TSC1: variants seen among roughly 807,000 people sequenced by gnomAD.
TSC1 encodes hamartin.
A neutral mutation model predicts 124.3 loss-of-function variants in TSC1; 20 were observed. The observed-to-expected ratio is 0.16, with a 90% confidence interval of 0.11 to 0.23. TSC1 has a LOEUF of 0.23. TSC1 is among the 10% of genes least tolerant of loss of function. TSC1 has a pLI of 1.00. For synonymous variants in TSC1, 493 were observed against 539.1 expected (o/e 0.91, Z 1.19); for missense variants, 1,124 against 1,448.5 (o/e 0.78, Z 3.64).
rs142344338 is a variant in TSC1, at chr9:132,928,369, A to C, written c.106+398T>G. 1.2e-3 allele frequency among the ~76,000 whole-genome samples: 176 copies of C among 152,256 alleles called. 1 individual carries two copies. The highest frequency in any genetic ancestry group is 4.1e-3 in the African/African-American group (170 of 41,528). ...TGCCCATTTCTATATTCAATATTTA[A>C]TTTTGCCAACCTGGTAAGCAAAAAA... On this transcript the variant is annotated intron_variant, in intron 3 of 22. Transcript: ENST00000298552.
chr9:132,926,679 C>G (rs1248007108), intron 4 of TSC1: 1 of 153,610 alleles, frequency 6.5e-6, no homozygotes, highest in East Asian at 1.9e-4. Flanking sequence ...TTTCTTTAAA[C>G]AAGATCTTTT....
At chr9:132,907,212 T>G (rs1845717253) in intron 13 of TSC1, 89 bp downstream of exon 13, 6 of 1,135,508 alleles carry the variant, frequency 5.3e-6, no homozygotes, top group East Asian at 2.4e-5. Flanking sequence ...TCCCAGAATT[T>G]CCTTGTTTCC....
At chr9:132,927,429 C>A in intron 3 of TSC1, 125 bp from the exon 4 acceptor site, 1 of 838,404 alleles carries the variant, frequency 1.2e-6, no homozygotes, top group Non-Finnish European at 2.0e-6. Flanking sequence ...TTTTGTGCAG[C>A]ATTACAGTTC....
intron 2 of TSC1, among the ~76,000 whole-genome samples, chr9:132,934,196 A>C (rs1847342460): frequency 6.6e-6 from 1 of 152,104 alleles, no homozygotes; most frequent in Non-Finnish European, 1.5e-5. Flanking sequence ...CAGCAGACCA[A>C]GCACCTCCCG....
At chr9:132,911,591 A>G (rs768906311) in intron 9 of TSC1, 23 bp from the exon 10 acceptor site, 1 of 1,034,048 alleles carries the variant, frequency 9.7e-7, no homozygotes, top group East Asian at 3.1e-5. Flanking sequence ...AGAAGAACAC[A>G]GGGGGTTAGT....
chr9:132,944,954 T>G, upstream of TSC1: 10 of 194,480 alleles, frequency 5.1e-5, no homozygotes, highest in East Asian at 1.1e-4. Flanking sequence ...GGCGGTCACG[T>G]GACTGGCGGG....
intron 2 of TSC1, chr9:132,931,485 C>G (rs1453441650): frequency 6.6e-6 from 1 of 152,182 alleles, no homozygotes; most frequent in African/African-American, 2.4e-5. Flanking sequence ...TTCCAAAATC[C>G]TACTGTCGGC....
chr9:132,907,699 A>G (rs1305288012), intron 12 of TSC1, among the ~76,000 whole-genome samples: 1 of 152,224 alleles, frequency 6.6e-6, no homozygotes, highest in African/African-American at 2.4e-5. Context: ...CACATTGGTC[A>G]GGCTGGTCAC....
intron 2 of TSC1, among the ~76,000 whole-genome samples, chr9:132,930,611 AAG>A (rs1554821314): frequency 1.3e-5 from 2 of 150,756 alleles, no homozygotes; most frequent in African/African-American, 4.9e-5. Context: ...AAAAAAAAAA[AAG>A]AGAGAGATAA....
Position 132,910,368 on chromosome 9 carries a change from G to A in TSC1, c.1263+203C>T, listed in dbSNP as rs565203666. 1.0e-5 allele frequency: 9 copies of A among 874,118 alleles called. 1 individual carries two copies. In the South Asian group the frequency reaches 1.3e-4, roughly 12 times the overall value. 54.1% of individuals were successfully genotyped at this position (874,118 alleles called of 1,614,324 possible). A position where few individuals can be genotyped will look rare whatever the true frequency, so the allele number is the denominator to read the frequency against. The stretch of plus-strand genomic sequence containing the variant: ...CTGCTGGGTTCCCCACAAGAGTTCT[G>A]CCAAAGCAGAGTTTTGGAACCACCC... On this transcript the variant is annotated intron_variant, in intron 12 of 22. Coordinates refer to ENST00000298552, the MANE Select transcript of TSC1 (RefSeq NM_000368.5).
chr9:132,937,274 T>C (rs1847502563), intron 1 of TSC1, among the ~76,000 whole-genome samples: 1 of 152,142 alleles, frequency 6.6e-6, no homozygotes, highest in African/African-American at 2.4e-5. Flanking sequence ...AGAAACCCCA[T>C]CTCTACTGAA....
Position 132,921,955 on chromosome 9 carries a change from T to C in TSC1, c.527A>G (p.Tyr176Cys), listed in dbSNP as rs1060503209. Residue 176 changes from tyrosine (Y) to cysteine (C), a missense_variant, in exon 7 of 23, where the codon TAT becomes TGT. Tyr to Cys is a radical substitution (Grantham distance 194). This residue lies in a region of TSC1 where 463 missense variants were observed against 606.8 expected (regional missense o/e 0.76). Transcript: ENST00000298552. The surrounding 1 kb of genome is among the most constrained non-coding windows in gnomAD (Gnocchi z 4.3). ...LKKPGHVAEV[Y>C]LVHLHASVYA... The stretch of plus-strand genomic sequence containing the variant: ...CACACTGGCATGGAGATGGACGAGA[T>C]AGACTTCCGCCACGTGGCCTAGAAA... The C allele has an allele frequency of 6.8e-6, 11 of 1,613,996 alleles. No individual in the cohort carries two copies. The highest frequency in any genetic ancestry group is 1.3e-5 in the African/African-American group (1 of 74,902).
rs1057366417 is a variant in TSC1 at position 132,893,775 on chromosome 9, G to A, written c.*2460C>T. 6 of 233,050 alleles carry A rather than the reference G, an allele frequency of 2.6e-5. No individual in the cohort carries two copies. The highest frequency in any genetic ancestry group is 8.8e-5 in the African/African-American group (4 of 45,282). 14.4% of individuals were successfully genotyped at this position (233,050 alleles called of 1,614,324 possible). A position where few individuals can be genotyped will look rare whatever the true frequency, so the allele number is the denominator to read the frequency against. On this transcript the variant is annotated 3_prime_UTR_variant, in exon 23 of 23. Coordinates refer to ENST00000298552, the MANE Select transcript of TSC1 (RefSeq NM_000368.5). ...TTTCAAGGTAGACTCTGCCCTTAAC[G>A]CTTATTGTACTAATACCTTTGCCCA...
intron 6 of TSC1, 136 bp from the exon 7 acceptor site, chr9:132,922,109 T>C: frequency 2.8e-6 from 3 of 1,075,948 alleles, no homozygotes; most frequent in Non-Finnish European, 2.8e-6. Flanking sequence ...ACAGGAAGAG[T>C]GGTTTTCTAA....
intron 22 of TSC1, among the ~76,000 whole-genome samples, 173 bp downstream of exon 22, chr9:132,897,011 G>A (rs958224622): frequency 2.6e-5 from 4 of 152,220 alleles, no homozygotes; most frequent in Non-Finnish European, 4.4e-5. Flanking sequence ...AACACGAAGA[G>A]ATCACTGGGC....
intron 1 of TSC1, among the ~76,000 whole-genome samples, chr9:132,938,011 C>G (rs1035548303): frequency 1.3e-5 from 2 of 152,166 alleles, no homozygotes; most frequent in African/African-American, 2.4e-5. Flanking sequence ...CCCCCACCCC[C>G]TGCCAAGCAG....
rs1452986771 is a variant in TSC1 at position 132,894,249 on chromosome 9, C to T, written c.*1986G>A. 2.2e-5 allele frequency: 5 copies of T among 232,152 alleles called. No individual in the cohort carries two copies. 14.4% of individuals were successfully genotyped at this position (232,152 alleles called of 1,614,324 possible). ...TGTTTTTTCTTTTGCACTTGGGCCT[C>T]TTTTCCTTTCCAATTCAGGAAAAGG... On this transcript the variant is annotated 3_prime_UTR_variant, in exon 23 of 23. Coordinates refer to ENST00000298552, the MANE Select transcript of TSC1 (RefSeq NM_000368.5).
intron 1 of TSC1, chr9:132,940,976 C>A (rs936162129): frequency 3.3e-5 from 5 of 152,138 alleles, no homozygotes; most frequent in African/African-American, 9.7e-5. Context: ...TCCTACAGCT[C>A]CCCTCTGTGT....
At position 132,928,949 on chromosome 9, in the gene TSC1, C is replaced by A. The variant is rs891681088; in HGVS notation, c.-77G>T. On this transcript the variant is annotated 5_prime_UTR_variant, in exon 3 of 23. Coordinates refer to ENST00000298552, the MANE Select transcript of TSC1 (RefSeq NM_000368.5). ...GAAGGTTCTTCATTGGGGCCACTACCAAACTGAGAAAAAGGAAGATGAACA... is the reference window on the plus strand; with the variant it reads ...GAAGGTTCTTCATTGGGGCCACTACAAAACTGAGAAAAAGGAAGATGAACA... 5 of 1,599,706 alleles carry A rather than the reference C, an allele frequency of 3.1e-6. No homozygotes were observed. In the African/African-American group the frequency reaches 6.7e-5, roughly 21 times the overall value.
Sources: gnomAD v4.1 joint callset for allele counts (sites outside exome capture counted in the v4.1 genomes callset) on GRCh38, gnomAD v4.1.1 for gene constraint, gnomAD v4.1.1 regional missense constraint, Gnocchi (gnomAD v3.1) non-coding constraint, MANE v1.5 for transcripts, NCBI Gene and HGNC (gene_info 2026-07-23, HGNC 2026-07-21) for gene names.